DNAJC15: variants seen among roughly 807,000 people sequenced by gnomAD.
DNAJC15 encodes DnaJ heat shock protein family (Hsp40) member C15.
Under a neutral mutation model 22.4 loss-of-function variants are expected in DNAJC15, and 27 were observed. The observed-to-expected ratio is 1.20, with a 90% CI of 0.89 to 1.66. The LOEUF (loss-of-function observed/expected upper bound fraction) is 1.66, where lower values mean the gene tolerates loss of function less well. DNAJC15 is among the 40% of genes most tolerant of loss of function. The pLI, the probability that DNAJC15 is intolerant of heterozygous loss-of-function variation, is 0.00. For synonymous variants in DNAJC15, 79 were observed against 63.2 expected (o/e 1.25, Z -1.19); for missense variants, 208 against 187.1 (o/e 1.11, Z -0.65).
chr13:43,057,497 A>G (rs1256158374), intron 1 of DNAJC15, among the ~76,000 whole-genome samples: 1 of 152,006 alleles, frequency 6.6e-6, no homozygotes. Flanking sequence ...ATTTTTATCC[A>G]TATACTGTAT....
At chr13:43,067,669 A>G (rs1416762990) in intron 2 of DNAJC15, among the ~76,000 whole-genome samples, 1 of 152,190 alleles carries the variant, frequency 6.6e-6, no homozygotes. Flanking sequence ...CAACCAAATA[A>G]TAGAATTTAG....
chr13:43,099,030 A>G (rs1451485988), intron 5 of DNAJC15, among the ~76,000 whole-genome samples: 2 of 152,150 alleles, frequency 1.3e-5, no homozygotes, highest in African/African-American at 4.8e-5. Flanking sequence ...CCACAGAGAC[A>G]TGATGTTTTT....
chr13:43,034,477 G>A (rs1226330609), intron 1 of DNAJC15, among the ~76,000 whole-genome samples: 3 of 151,556 alleles, frequency 2.0e-5, no homozygotes, highest in South Asian at 2.1e-4. Flanking sequence ...CACCGCGCCC[G>A]GCTAATTTTT....
chr13:43,025,426 TTA>T (rs1456100211), intron 1 of DNAJC15, among the ~76,000 whole-genome samples: 2 of 152,176 alleles, frequency 1.3e-5, no homozygotes, highest in African/African-American at 4.8e-5. Flanking sequence ...GGAAGCATCT[TTA>T]GTAGTCCAGG....
At position 43,043,402 on chromosome 13, in the gene DNAJC15, C is replaced by T. The variant is rs1396801729; in HGVS notation, c.108+19668C>T. 2.0e-5 allele frequency among the ~76,000 whole-genome samples: 3 copies of T among 152,214 alleles called. No homozygotes were observed. In the East Asian group the frequency reaches 5.8e-4, roughly 29 times the overall value. On this transcript the variant is annotated intron_variant, in intron 1 of 5. Coordinates refer to ENST00000379221, the MANE Select transcript of DNAJC15 (RefSeq NM_013238.3). ...GGGATTACAGGCATGAGCTGCCATG[C>T]CTGACCTCAAAAGCTTCTTATATTA...
At chr13:43,063,890 C>T (rs996736921) in intron 1 of DNAJC15, among the ~76,000 whole-genome samples, 1 of 152,208 alleles carries the variant, frequency 6.6e-6, no homozygotes, top group Admixed American at 6.5e-5. Flanking sequence ...ATTGGACTAA[C>T]ACCAGAAAGC....
intron 1 of DNAJC15, among the ~76,000 whole-genome samples, chr13:43,043,697 T>C (rs2040464191): frequency 6.6e-6 from 1 of 152,222 alleles, no homozygotes; most frequent in African/African-American, 2.4e-5. Flanking sequence ...TTTCGCCCTT[T>C]TATTTATTCA....
chr13:43,055,583 G>A (rs1434906554), intron 1 of DNAJC15, among the ~76,000 whole-genome samples: 1 of 152,066 alleles, frequency 6.6e-6, no homozygotes, highest in African/African-American at 2.4e-5. Flanking sequence ...AGTATCTCCC[G>A]TTTCATTTCT....
chr13:43,102,846 G>A (rs930997539), intron 5 of DNAJC15, among the ~76,000 whole-genome samples: 3 of 152,024 alleles, frequency 2.0e-5, no homozygotes, highest in Admixed American at 1.3e-4. Context: ...AGATATGCCA[G>A]CCTCATAAAA....
chr13:43,096,841 G>A (rs1593330994), intron 5 of DNAJC15, among the ~76,000 whole-genome samples: 1 of 152,278 alleles, frequency 6.6e-6, no homozygotes, highest in East Asian at 1.9e-4. Context: ...TGCAGCTTCA[G>A]CTCTTACCTT....
chr13:43,046,919 C>G lies in DNAJC15; in HGVS notation c.109-18767C>G, dbSNP rs553868827. Among the ~76,000 whole-genome samples, 11 of 152,330 alleles carry G rather than the reference C, an allele frequency of 7.2e-5. No individual in the cohort carries two copies. In the South Asian group the frequency reaches 1.0e-3, roughly 14 times the overall value. On this transcript the variant is annotated intron_variant, in intron 1 of 5. Coordinates refer to ENST00000379221, the MANE Select transcript of DNAJC15 (RefSeq NM_013238.3). Reference sequence around the variant, plus strand: ...TCAGGCTAAAGGCTCGCCTTTGTTACTGCACGGCTAAGTGCCCTAATCGAG... The same window carrying G: ...TCAGGCTAAAGGCTCGCCTTTGTTAGTGCACGGCTAAGTGCCCTAATCGAG...
intron 1 of DNAJC15, among the ~76,000 whole-genome samples, chr13:43,053,877 CCTCTT>C (rs1448781719): frequency 1.1e-4 from 10 of 93,914 alleles, no homozygotes; most frequent in Non-Finnish European, 2.7e-4. Context: ...AGTTTGACCT[CCTCTT>C]TACCGATTTG....
At chr13:43,079,535 T>C (rs536882767) in intron 4 of DNAJC15, among the ~76,000 whole-genome samples, 1 of 152,264 alleles carries the variant, frequency 6.6e-6, no homozygotes, top group South Asian at 2.1e-4. Context: ...ATGAGATCTC[T>C]CCTTACCAGA....
At chr13:43,069,031 G>T (rs1295585882) in intron 3 of DNAJC15, 28 bp downstream of exon 3, 1 of 1,593,244 alleles carries the variant, frequency 6.3e-7, no homozygotes, top group African/African-American at 1.3e-5. Context: ...TTAGTTAGAA[G>T]ACTCATTTTG....
chr13:43,098,436 T>C (rs189835895), intron 5 of DNAJC15, among the ~76,000 whole-genome samples: 72 of 152,330 alleles, frequency 4.7e-4, no homozygotes, highest in Non-Finnish European at 9.0e-4. Flanking sequence ...ATTTATTGGG[T>C]AAGAGGTAGA....
At chr13:43,106,875 G>C (rs2040799401) in intron 5 of DNAJC15, among the ~76,000 whole-genome samples, 1 of 150,726 alleles carries the variant, frequency 6.6e-6, no homozygotes, top group Non-Finnish European at 1.5e-5. Flanking sequence ...AAAATTCTCT[G>C]GTCAAATACT....
chr13:43,025,610 T>C (rs1482621090), intron 1 of DNAJC15, among the ~76,000 whole-genome samples: 1 of 152,180 alleles, frequency 6.6e-6, no homozygotes, highest in Non-Finnish European at 1.5e-5. Flanking sequence ...TATTAGACAA[T>C]AACATGTCTA....
At chr13:43,085,436 G>A (rs74639532) in intron 4 of DNAJC15, among the ~76,000 whole-genome samples, 138 of 152,116 alleles carry the variant, frequency 9.1e-4, no homozygotes, top group Non-Finnish European at 1.6e-3. Context: ...CGTATATACC[G>A]CCTTCCCCCC....
At chr13:43,094,318 A>G (rs909196266) in intron 5 of DNAJC15, among the ~76,000 whole-genome samples, 2 of 152,238 alleles carry the variant, frequency 1.3e-5, no homozygotes, top group African/African-American at 2.4e-5. Context: ...TGGTCCCCAC[A>G]CTGTCAGCAG....
Sources: allele counts gnomAD v4.1 joint callset (sites outside exome capture counted in the v4.1 genomes callset), GRCh38; gene constraint gnomAD v4.1.1; transcripts MANE v1.5; gene names NCBI Gene and HGNC (gene_info 2026-07-23, HGNC 2026-07-21).